Variants in COL6A5 observed in about 807,000 individuals in gnomAD.
COL6A5 encodes the protein collagen alpha-5(VI) chain.
A neutral mutation model predicts 65.6 loss-of-function variants in COL6A5; 48 were observed. That is an observed-to-expected ratio of 0.73 (90% CI 0.58 to 0.93). The LOEUF (loss-of-function observed/expected upper bound fraction) is 0.93. COL6A5 is among the 40% of genes least tolerant of loss of function. The pLI is 0.00. For synonymous variants in COL6A5, 291 were observed against 322.8 expected, an observed-to-expected ratio of 0.90 and a Z score of 1.05; for missense variants, 914 against 928.3, an observed-to-expected ratio of 0.98 and a Z score of 0.20.
At chr3:130,400,014 C>T (rs763709915) in intron 10 of COL6A5, among the ~76,000 whole-genome samples, 2 of 152,060 alleles carry the variant, frequency 1.3e-5, no homozygotes, top group Non-Finnish European at 2.9e-5. Flanking sequence ...CCGCCCACCT[C>T]GGCCTCCCAA....
At chr3:130,461,382 A>G (rs1026222789) in intron 5 of COL6A5, among the ~76,000 whole-genome samples, 1 of 152,162 alleles carries the variant, frequency 6.6e-6, no homozygotes, top group African/African-American at 2.4e-5. Flanking sequence ...GCTACTGCTT[A>G]TTGAGGGCAA....
At chr3:130,446,829 T>A (rs1282787013) in intron 4 of COL6A5, among the ~76,000 whole-genome samples, 1 of 152,146 alleles carries the variant, frequency 6.6e-6, no homozygotes, top group South Asian at 2.1e-4. Flanking sequence ...TCCATAACAC[T>A]GGCTTGTCTT....
chr3:130,445,478 G>A (rs1221689130), intron 4 of COL6A5, among the ~76,000 whole-genome samples: 2 of 152,162 alleles, frequency 1.3e-5, no homozygotes, highest in Admixed American at 6.5e-5. Context: ...CTCTGTATGG[G>A]AACAGTCAGG....
intron 7 of COL6A5, among the ~76,000 whole-genome samples, chr3:130,479,391 A>C (rs1468934331): frequency 1.3e-5 from 2 of 151,614 alleles, no homozygotes; most frequent in Non-Finnish European, 2.9e-5. Flanking sequence ...AATGGACTAA[A>C]ACAGAGAGCA....
chr3:130,470,527 T>TA (rs967954226), intron 6 of COL6A5, among the ~76,000 whole-genome samples: 12 of 148,648 alleles, frequency 8.1e-5, no homozygotes, highest in South Asian at 2.1e-4. Flanking sequence ...AAAGTATAAT[T>TA]AAAAAAAAAA....
rs769243472 is a variant in COL6A5 at position 130,386,179 on chromosome 3, T to C, written c.1861+815T>C. Among the ~76,000 whole-genome samples the C allele has an allele frequency of 2.0e-5, 3 of 152,236 alleles. 1 individual carries two copies. Among genetic ancestry groups the C allele is most frequent in the South Asian group, 4.1e-4 (2 of 4,832 alleles). On this transcript the variant is annotated intron_variant and NMD_transcript_variant, in intron 5 of 41. Transcript: ENST00000312481. ...TTAGTTTACTGGTAAAGAGGAAAGA[T>C]GCTAGAGTCAGAGTCAAGGTTCATA...
chr3:130,449,146 A>C (rs1009538486), intron 4 of COL6A5, among the ~76,000 whole-genome samples: 6 of 152,202 alleles, frequency 3.9e-5, no homozygotes, highest in Non-Finnish European at 7.3e-5. Flanking sequence ...GAAAGCAGCC[A>C]CTGCTAAATC....
chr3:130,424,870 C>T (rs1160517134), intron 29 of COL6A5, among the ~76,000 whole-genome samples: 1 of 152,016 alleles, frequency 6.6e-6, no homozygotes, highest in African/African-American at 2.4e-5. Flanking sequence ...CTGGGGACAC[C>T]CACATCTTCC....
chr3:130,390,878 G>C (rs1378284073), intron 6 of COL6A5, among the ~76,000 whole-genome samples: 1 of 152,198 alleles, frequency 6.6e-6, no homozygotes, highest in Non-Finnish European at 1.5e-5. Flanking sequence ...CTTAGCAAAA[G>C]ACATTACATG....
chr3:130,393,067 G>GTTTT (rs59517354), intron 7 of COL6A5, among the ~76,000 whole-genome samples: 20 of 109,240 alleles, frequency 1.8e-4, no homozygotes, highest in Non-Finnish European at 2.6e-4. Context: ...TGCTTACAGT[G>GTTTT]TTTTTTTTTT....
In COL6A5 at chr3:130,384,380, A is replaced by T. The variant is rs553872204; in HGVS notation, c.1301-424A>T. 5.3e-5 allele frequency among the ~76,000 whole-genome samples: 8 copies of T among 151,998 alleles called. No individual in the cohort carries two copies. In the South Asian group the frequency reaches 1.7e-3, roughly 32 times the overall value. On this transcript the variant is annotated intron_variant and NMD_transcript_variant, in intron 4 of 41. Coordinates refer to the COL6A5 transcript ENST00000312481. ...ATATGATCTAAGTTTATATTTAAAT[A>T]TCTTATTCTAGTTGCTCTGGGAAGA... is the stretch of plus-strand genomic sequence containing the variant.
intron 10 of COL6A5, 60 bp downstream of exon 10, chr3:130,398,171 C>T: frequency 1.7e-6 from 2 of 1,178,942 alleles, no homozygotes; most frequent in Non-Finnish European, 2.4e-6. Flanking sequence ...CAGTCTGTCA[C>T]CCAGGTTGGA....
chr3:130,365,119 T>C (rs1281083209), intron 1 of COL6A5, among the ~76,000 whole-genome samples: 1 of 152,168 alleles, frequency 6.6e-6, no homozygotes. Flanking sequence ...ACAGTGACTG[T>C]AGCAATGCTG....
intron 2 of COL6A5, among the ~76,000 whole-genome samples, chr3:130,374,709 C>G (rs1935699559): frequency 6.6e-6 from 1 of 152,124 alleles, no homozygotes; most frequent in Non-Finnish European, 1.5e-5. Context: ...CCACCTTGGC[C>G]TTCCAAAGTG....
At chr3:130,385,271 G>T (rs1211652843) in exon 5 of COL6A5, 53 of 1,550,842 alleles carry the variant, frequency 3.4e-5, no homozygotes, top group Non-Finnish European at 4.4e-5. Context: ...GCAAGAAATT[G>T]CTGGGAAAGA....
upstream of COL6A5, among the ~76,000 whole-genome samples, chr3:130,427,625 AAG>A (rs571195105): frequency 2.8e-3 from 422 of 152,200 alleles, 2 homozygotes; most frequent in Non-Finnish European, 5.2e-3. Context: ...GGCTTTAGTA[AAG>A]GTGAGGGAAG....
intron 1 of COL6A5, among the ~76,000 whole-genome samples, chr3:130,356,070 T>C (rs180841988): frequency 6.6e-6 from 1 of 152,284 alleles, no homozygotes; most frequent in Non-Finnish European, 1.5e-5. Context: ...TCTTCTTTTT[T>C]TCAACCAAGA....
chr3:130,415,869 G>A (rs13071563), intron 23 of COL6A5, among the ~76,000 whole-genome samples, 162 bp downstream of exon 23: 36 of 151,912 alleles, frequency 2.4e-4, no homozygotes, highest in African/African-American at 7.5e-4. Flanking sequence ...TTCCTCATAC[G>A]TAGCTAAAGC....
At chr3:130,409,270 C>A in intron 17 of COL6A5, 56 bp from the exon 18 acceptor site, 1 of 1,373,646 alleles carries the variant, frequency 7.3e-7, no homozygotes. Flanking sequence ...TCACACTTAA[C>A]ACCATTATAC....
Sources: gnomAD v4.1 joint callset for allele counts (sites outside exome capture counted in the v4.1 genomes callset) on GRCh38, gnomAD v4.1.1 for gene constraint, MANE v1.5 for transcripts, NCBI Gene and HGNC (gene_info 2026-07-23, HGNC 2026-07-21) for gene names.